The following TENM4 variants were observed in gnomAD, a reference collection of about 807,000 sequenced individuals.
TENM4 encodes teneurin-4.
Under a neutral mutation model 243.3 loss-of-function variants are expected in TENM4, and 82 were observed. That is an observed-to-expected ratio of 0.34 (90% CI 0.28 to 0.40). TENM4 has a LOEUF of 0.40. TENM4 is among the 10% of genes least tolerant of loss of function. The probability of loss-of-function intolerance (pLI) is 1.00; values close to 1 mark genes in which losing one functional copy is unlikely to be tolerated. For synonymous variants in TENM4, 1,412 were observed against 1,456.3 expected (o/e 0.97, Z 0.69); for missense variants, 3,138 against 3,673.3 (o/e 0.85, Z 3.77).
chr11:79,066,607 TGCACACACACGTGC>T (rs943929812), intron 5 of TENM4, among the ~76,000 whole-genome samples: 10 of 148,688 alleles, frequency 6.7e-5, no homozygotes, highest in African/African-American at 2.0e-4. Context: ...CACACGCGCG[TGCACACACACGTGC>T]GCACACACAT....
chr11:78,951,967 A>G (rs771474862), intron 6 of TENM4, among the ~76,000 whole-genome samples: 2 of 151,612 alleles, frequency 1.3e-5, no homozygotes, highest in African/African-American at 2.4e-5. Context: ...AGTTCCCCCA[A>G]CCTCCCAGTT....
At chr11:79,344,996 T>G (rs1191706602) in intron 1 of TENM4, among the ~76,000 whole-genome samples, 1 of 152,190 alleles carries the variant, frequency 6.6e-6, no homozygotes, top group Non-Finnish European at 1.5e-5. Context: ...TCAGCCCATC[T>G]TTCTTCCCCA....
At chr11:78,875,457 G>A (rs1356361299) in intron 9 of TENM4, among the ~76,000 whole-genome samples, 1 of 152,156 alleles carries the variant, frequency 6.6e-6, no homozygotes, top group African/African-American at 2.4e-5. Context: ...GCCCGCCTTG[G>A]CCTCCCAAAA....
At chr11:79,192,209 G>A (rs185777329) in intron 3 of TENM4, among the ~76,000 whole-genome samples, 1,777 of 151,804 alleles carry the variant, frequency 0.012, 35 homozygotes, top group African/African-American at 0.041. Flanking sequence ...CTGCCCGGCC[G>A]CCCCTACTGG....
At chr11:78,768,777 T>C (rs1856591112) in intron 18 of TENM4, among the ~76,000 whole-genome samples, 1 of 152,192 alleles carries the variant, frequency 6.6e-6, no homozygotes, top group African/African-American at 2.4e-5. Flanking sequence ...CCCTGGGGTC[T>C]GCATCAGCCC....
chr11:79,296,786 G>A (rs1252334595), intron 2 of TENM4, among the ~76,000 whole-genome samples: 6 of 152,166 alleles, frequency 3.9e-5, no homozygotes, highest in African/African-American at 9.7e-5. Context: ...TTCCTTCTAC[G>A]TTATAGAGTT....
chr11:79,231,463 T>C (rs988856068), intron 2 of TENM4, among the ~76,000 whole-genome samples: 1 of 152,100 alleles, frequency 6.6e-6, no homozygotes, highest in Non-Finnish European at 1.5e-5. Context: ...GAAGAGTATT[T>C]ACTTATCACC....
intron 15 of TENM4, among the ~76,000 whole-genome samples, chr11:78,796,637 A>G (rs1857166630): frequency 6.6e-6 from 1 of 152,080 alleles, no homozygotes; most frequent in Non-Finnish European, 1.5e-5. Context: ...ACCTCCGCCT[A>G]AAACTTCTCA....
At chr11:78,794,602 T>C (rs1591029016) in intron 15 of TENM4, among the ~76,000 whole-genome samples, 6 of 152,142 alleles carry the variant, frequency 3.9e-5, no homozygotes, top group African/African-American at 1.4e-4. Context: ...AAGCACAGCT[T>C]TGAGATCAGA....
intron 3 of TENM4, among the ~76,000 whole-genome samples, chr11:79,187,131 T>A (rs1247449962): frequency 6.6e-6 from 1 of 152,196 alleles, no homozygotes; most frequent in East Asian, 1.9e-4. Flanking sequence ...GATATGATAA[T>A]GCTTTTGGGT....
intron 19 of TENM4, 189 bp downstream of exon 19, chr11:78,756,616 C>T: frequency 4.9e-6 from 3 of 610,174 alleles, no homozygotes; most frequent in Non-Finnish European, 8.5e-6. Flanking sequence ...ATTCCAAACT[C>T]CTTGGAGAGT....
intron 6 of TENM4, among the ~76,000 whole-genome samples, chr11:79,058,394 A>T (rs1859995451): frequency 6.6e-6 from 1 of 152,050 alleles, no homozygotes; most frequent in South Asian, 2.1e-4. Context: ...ATACAAAAAA[A>T]ATTAGCCAGG....
At chr11:78,971,548 A>G (rs539640541) in intron 6 of TENM4, among the ~76,000 whole-genome samples, 184 of 151,804 alleles carry the variant, frequency 1.2e-3, no homozygotes, top group African/African-American at 4.1e-3. Context: ...TGATCCACCC[A>G]CCTCGGCCTC....
intron 1 of TENM4, among the ~76,000 whole-genome samples, chr11:79,377,465 G>A (rs1407974008): frequency 2.6e-5 from 4 of 152,166 alleles, no homozygotes; most frequent in African/African-American, 9.7e-5. Flanking sequence ...CTAACCCTGA[G>A]CAAGTCCCTT....
In TENM4 at chr11:78,676,146, G is replaced by A. The variant is rs1858465066; in HGVS notation, c.5496+6C>T. ...GGACGCAGCCACCTCCAGAGGCCTC[G>A]CTCACCCGCAGCCGGCGCCCAAAGA... On this transcript the variant is annotated splice_donor_region_variant and intron_variant, in intron 30 of 33. Transcript: ENST00000278550. 1.3e-6 allele frequency: 2 copies of A among 1,499,364 alleles called. No homozygotes were observed. Among genetic ancestry groups the A allele is most frequent in the African/African-American group, 1.4e-5 (1 of 72,492 alleles). 92.9% of individuals were successfully genotyped at this position (1,499,364 alleles called of 1,614,324 possible).
At chr11:78,916,830 C>G (rs376650353) in intron 6 of TENM4, among the ~76,000 whole-genome samples, 1 of 152,226 alleles carries the variant, frequency 6.6e-6, no homozygotes, top group East Asian at 1.9e-4. Flanking sequence ...AATGTGACAT[C>G]TTGATTTAAA....
intron 2 of TENM4, among the ~76,000 whole-genome samples, chr11:79,294,562 T>G (rs371189584): frequency 6.6e-6 from 1 of 152,054 alleles, no homozygotes; most frequent in Non-Finnish European, 1.5e-5. Context: ...AGAAGCTAAG[T>G]TGGGGGCCAG....
At chr11:79,047,886 A>T (rs1859697477) in intron 6 of TENM4, among the ~76,000 whole-genome samples, 1 of 152,114 alleles carries the variant, frequency 6.6e-6, no homozygotes, top group South Asian at 2.1e-4. Context: ...GTAATATCTG[A>T]CCTGTAATAA....
intron 2 of TENM4, among the ~76,000 whole-genome samples, chr11:79,229,800 A>C (rs1309178430): frequency 2.0e-5 from 3 of 152,174 alleles, no homozygotes; most frequent in Non-Finnish European, 4.4e-5. Flanking sequence ...TTGCTGAATG[A>C]ATGAGTGATA....
Sources: allele counts gnomAD v4.1 joint callset (sites outside exome capture counted in the v4.1 genomes callset), GRCh38; gene constraint gnomAD v4.1.1; transcripts MANE v1.5; gene names NCBI Gene and HGNC (gene_info 2026-07-23, HGNC 2026-07-21).